Variants in TPRG1 observed in about 807,000 individuals in gnomAD.
TPRG1 encodes tumor protein p63-regulated gene 1 protein.
In TPRG1, 29 loss-of-function variants were observed where a neutral mutation model predicts 29.3. The observed-to-expected ratio is 0.99, with a 90% CI of 0.74 to 1.35. The LOEUF is 1.35. TPRG1 is among the 40% of genes most tolerant of loss of function. The pLI, the probability that TPRG1 is intolerant of heterozygous loss-of-function variation, is 0.00. For missense variants in TPRG1, 327 were observed against 335.0 expected, an observed-to-expected ratio of 0.98 and a Z score of 0.19; for synonymous variants, 130 against 116.8, an observed-to-expected ratio of 1.11 and a Z score of -0.73.
chr3:189,239,219 A>G (rs1016635126), intron 4 of TPRG1, among the ~76,000 whole-genome samples: 1 of 151,742 alleles, frequency 6.6e-6, no homozygotes, highest in African/African-American at 2.4e-5. Context: ...GCGGGAGGGG[A>G]AAGTCTCTTC....
intron 1 of TPRG1, among the ~76,000 whole-genome samples, chr3:189,102,321 G>A (rs565489818): frequency 1.3e-5 from 2 of 152,258 alleles, no homozygotes; most frequent in Admixed American, 1.3e-4. Context: ...TCTATCTCCA[G>A]AGCCAGCTTC....
chr3:189,119,097 G>A (rs975839880), intron 1 of TPRG1, among the ~76,000 whole-genome samples: 3 of 152,238 alleles, frequency 2.0e-5, no homozygotes, highest in African/African-American at 7.2e-5. Flanking sequence ...GGGCAGAGCT[G>A]CCCAAGGCCA....
chr3:189,272,720 C>CTTCA (rs1491500942), intron 4 of TPRG1, among the ~76,000 whole-genome samples: 1 of 97,522 alleles, frequency 1.0e-5, no homozygotes, highest in Non-Finnish European at 2.0e-5. Flanking sequence ...TTTCTCCTTC[C>CTTCA]TTCCTTCCTT....
At chr3:189,112,515 C>T (rs774463750) in intron 1 of TPRG1, among the ~76,000 whole-genome samples, 2 of 152,118 alleles carry the variant, frequency 1.3e-5, no homozygotes, top group South Asian at 2.1e-4. Context: ...TTAGGTCTAA[C>T]GTTTAAGTCT....
At chr3:189,270,878 G>T (rs185909612) in intron 4 of TPRG1, among the ~76,000 whole-genome samples, 1 of 152,022 alleles carries the variant, frequency 6.6e-6, no homozygotes. Flanking sequence ...TTCCTACCAT[G>T]AGACTACTCA....
intron 2 of TPRG1, among the ~76,000 whole-genome samples, chr3:189,213,785 T>G (rs1560561050): frequency 6.6e-6 from 1 of 152,198 alleles, no homozygotes; most frequent in Non-Finnish European, 1.5e-5. Context: ...ATATTTCACC[T>G]TCTCTTCTGT....
intron 1 of TPRG1, among the ~76,000 whole-genome samples, chr3:189,195,738 T>C (rs2108757369): frequency 6.6e-6 from 1 of 152,208 alleles, no homozygotes; most frequent in Non-Finnish European, 1.5e-5. Context: ...TGATGGGGAT[T>C]CCTAGGATCC....
At chr3:189,253,225 G>C (rs1742561874) in intron 4 of TPRG1, among the ~76,000 whole-genome samples, 1 of 152,102 alleles carries the variant, frequency 6.6e-6, no homozygotes, top group South Asian at 2.1e-4. Flanking sequence ...GCCCTAGTGT[G>C]TGATGTTCCC....
At chr3:189,173,342 C>A (rs1975626) in intron 1 of TPRG1, among the ~76,000 whole-genome samples, 1 of 113,638 alleles carries the variant, frequency 8.8e-6, no homozygotes, top group East Asian at 2.3e-4. Context: ...TTTTCTTCTT[C>A]TTTTTTTTTT....
chr3:189,103,944 T>C (rs1719507517), intron 1 of TPRG1, among the ~76,000 whole-genome samples: 1 of 152,224 alleles, frequency 6.6e-6, no homozygotes, highest in Admixed American at 6.5e-5. Flanking sequence ...GACTTTGTCT[T>C]AGTCCCATAT....
At chr3:189,051,722 G>A (rs1715335140) in intron 4 of TPRG1, among the ~76,000 whole-genome samples, 1 of 152,120 alleles carries the variant, frequency 6.6e-6, no homozygotes, top group South Asian at 2.1e-4. Flanking sequence ...CACCAAAACA[G>A]CATGGTACTA....
At chr3:189,098,152 A>G (rs1279342254), upstream of TPRG1, among the ~76,000 whole-genome samples, 1 of 152,242 alleles carries the variant, frequency 6.6e-6, no homozygotes, top group Non-Finnish European at 1.5e-5. Flanking sequence ...AGCACAGAGT[A>G]TAAAGAAGAA....
chr3:189,221,858 A>G (rs1340714245), intron 3 of TPRG1, among the ~76,000 whole-genome samples: 1 of 152,232 alleles, frequency 6.6e-6, no homozygotes, highest in Non-Finnish European at 1.5e-5. Flanking sequence ...TAGAGATTAA[A>G]TGACCTGCCG....
At chr3:189,268,943 C>G (rs1021751053) in intron 4 of TPRG1, among the ~76,000 whole-genome samples, 1 of 152,120 alleles carries the variant, frequency 6.6e-6, no homozygotes, top group Non-Finnish European at 1.5e-5. Flanking sequence ...CAAGCCTTGT[C>G]AATTTAGCAT....
intron 3 of TPRG1, among the ~76,000 whole-genome samples, chr3:189,228,641 A>G (rs187156568): frequency 5.3e-5 from 8 of 152,326 alleles, no homozygotes; most frequent in South Asian, 4.1e-4. Flanking sequence ...CATAAAATCT[A>G]TAGATAACAT....
chr3:189,123,095 C>T (rs1020552241), intron 1 of TPRG1, among the ~76,000 whole-genome samples: 13 of 152,176 alleles, frequency 8.5e-5, no homozygotes, highest in African/African-American at 3.1e-4. Context: ...TACATCTCTG[C>T]TAATTAATTA....
chr3:189,323,071 A>G lies in TPRG1; in HGVS notation c.*2251A>G, dbSNP rs1724452833. 6.6e-6 allele frequency: 1 copy of G among 152,128 alleles called. No homozygotes were observed. The highest frequency in any genetic ancestry group is 2.4e-5 in the African/African-American group (1 of 41,438). The allele number at this position is 152,128 out of a possible 1,614,324, so 9.4% of individuals were successfully genotyped here. A position where few individuals can be genotyped will look rare whatever the true frequency, so the allele number is the denominator to read the frequency against. Reference sequence around the variant, plus strand: ...TTTGGATAGCAGTTCAAGATAAGAAAGAACTTCTTATAGTTATAAATTTTC... The same window carrying G: ...TTTGGATAGCAGTTCAAGATAAGAAGGAACTTCTTATAGTTATAAATTTTC... On this transcript the variant is annotated 3_prime_UTR_variant, in exon 6 of 6. Coordinates refer to ENST00000345063, the MANE Select transcript of TPRG1 (RefSeq NM_198485.4).
At chr3:189,166,934 A>G (rs1372569953) in intron 5 of TPRG1, among the ~76,000 whole-genome samples, 2 of 152,144 alleles carry the variant, frequency 1.3e-5, no homozygotes, top group Non-Finnish European at 2.9e-5. Context: ...TGTGTGACAG[A>G]GGAGTAACTT....
intron 3 of TPRG1, among the ~76,000 whole-genome samples, chr3:189,021,768 A>T (rs1235090393): frequency 6.6e-6 from 1 of 151,958 alleles, no homozygotes; most frequent in East Asian, 1.9e-4. Flanking sequence ...CCTGAATTTG[A>T]ACGTTGGCCT....
Sources: allele counts gnomAD v4.1 joint callset (sites outside exome capture counted in the v4.1 genomes callset), GRCh38; gene constraint gnomAD v4.1.1; transcripts MANE v1.5; gene names NCBI Gene and HGNC (gene_info 2026-07-23, HGNC 2026-07-21).